SF1: variants seen among roughly 807,000 people sequenced by gnomAD.
The protein encoded by SF1 is splicing factor 1.
Under a neutral mutation model 62.5 loss-of-function variants are expected in SF1, and 7 were observed. That is an observed-to-expected ratio of 0.11 (90% CI 0.06 to 0.21). The LOEUF is 0.21. Among genes scored for constraint, SF1 ranks in the 10% least tolerant of loss-of-function variants. SF1 has a pLI of 1.00. For synonymous variants in SF1, 394 were observed against 323.6 expected (o/e 1.22, Z -2.33); for missense variants, 578 against 884.0 (o/e 0.65, Z 4.39).
rs1592434980 is a variant in SF1 at position 64,765,598 on chromosome 11, G to A, written c.*220C>T. On this transcript the variant is annotated 3_prime_UTR_variant, in exon 13 of 13. Coordinates refer to ENST00000377390, the MANE Select transcript of SF1 (RefSeq NM_004630.4). Reference sequence around the variant, plus strand: ...ACAAAGAAGACACTCGATGCTACGGGGCGCCAGGAGAGCCCAAGCTGGCGC... The same window carrying A: ...ACAAAGAAGACACTCGATGCTACGGAGCGCCAGGAGAGCCCAAGCTGGCGC... 1 of 1,511,164 alleles carries A rather than the reference G, an allele frequency of 6.6e-7. No homozygotes were observed. The highest frequency in any genetic ancestry group is 2.3e-5 in the East Asian group (1 of 42,852). The allele number at this position is 1,511,164 out of a possible 1,614,324, so 93.6% of individuals were successfully genotyped here.
chr11:64,768,011 A>G, intron 9 of SF1, 95 bp downstream of exon 9: 2 of 1,474,500 alleles, frequency 1.4e-6, no homozygotes, highest in South Asian at 1.3e-5. Flanking sequence ...ATCCACATCC[A>G]TTGTCTGCTC....
At position 64,770,050 on chromosome 11, in the gene SF1, A is replaced by G. The variant is rs758531425; in HGVS notation, c.393T>C (p.Pro131=). ...CTTTATCACTCACACGTGTTGCTGG[A>G]GGTCTAAGAAAGAAAAGCCTGTGTC... The part of the protein sequence containing the change: ...PDFKPPADYK[P]PATRVSDKVM... Residue 131 remains proline, a synonymous_variant, in exon 5 of 13, where the codon CCT becomes CCC. Coordinates refer to ENST00000377390, the MANE Select transcript of SF1 (RefSeq NM_004630.4). The G allele has an allele frequency of 3.7e-6, 6 of 1,613,110 alleles. No homozygotes were observed. Among genetic ancestry groups the G allele is most frequent in the Non-Finnish European group, 5.1e-6 (6 of 1,179,250 alleles).
chr11:64,767,882 G>GC (rs1937615268), intron 9 of SF1, 38 bp from the exon 10 acceptor site: 15 of 1,597,860 alleles, frequency 9.4e-6, no homozygotes, highest in Non-Finnish European at 1.1e-5. Context: ...CCCTGCCTGC[G>GC]CCTCCTAGTG....
At chr11:64,772,912 G>A in intron 3 of SF1, 1 of 986,936 alleles carries the variant, frequency 1.0e-6, no homozygotes, top group Non-Finnish European at 1.2e-6. Context: ...AAAGTTAACT[G>A]GCAGTGAAAG....
chr11:64,776,297 A>G (rs1939230685), intron 2 of SF1: 1 of 552,320 alleles, frequency 1.8e-6, no homozygotes, highest in Non-Finnish European at 3.3e-6. Context: ...CATGGAGAAC[A>G]CTGCAGTTAC....
At chr11:64,767,443 C>A (rs1232892482) in intron 10 of SF1, 128 bp downstream of exon 10, 2 of 1,131,970 alleles carry the variant, frequency 1.8e-6, no homozygotes, top group African/African-American at 1.5e-5. Flanking sequence ...AGAGCCACAA[C>A]CCTGGCAAGC....
At chr11:64,773,379 T>C (rs749589656) in intron 3 of SF1, 51 bp downstream of exon 3, 1 of 1,599,654 alleles carries the variant, frequency 6.3e-7, no homozygotes. Context: ...TAAAACGTAT[T>C]GAGAAAAAGG....
intron 12 of SF1, chr11:64,766,486 G>A: frequency 2.1e-6 from 1 of 466,108 alleles, no homozygotes; most frequent in Non-Finnish European, 3.8e-6. Flanking sequence ...CAACCTCAAG[G>A]CCACAGCTGC....
chr11:64,766,506 A>G (rs2058680845), intron 12 of SF1: 2 of 451,166 alleles, frequency 4.4e-6, no homozygotes, highest in Non-Finnish European at 7.9e-6. Flanking sequence ...CTGTCTCCCC[A>G]CTGCCCAGTC....
rs1019408706 is a variant in SF1 at position 64,776,482 on chromosome 11, C to T, written c.160+16G>A. 1 of 1,566,946 alleles carries T rather than the reference C, an allele frequency of 6.4e-7. No individual in the cohort carries two copies. Among genetic ancestry groups the T allele is most frequent in the Non-Finnish European group, 8.6e-7 (1 of 1,161,646 alleles). On this transcript the variant is annotated intron_variant, in intron 2 of 12. Transcript: ENST00000377390. ...AACAATCTCAAAGTGCATTTGGATG[C>T]AGAACGTATATTTACCTATATAAGC...
chr11:64,768,418 C>A (rs1213231011), intron 8 of SF1, 132 bp from the exon 9 acceptor site: 9 of 800,200 alleles, frequency 1.1e-5, no homozygotes, highest in Admixed American at 5.3e-5. Context: ...TCTTTCTAAC[C>A]CCTTACTGGG....
Position 64,765,567 on chromosome 11 carries a change from A to T in SF1, c.*251T>A. 2 of 1,553,648 alleles carry T rather than the reference A, an allele frequency of 1.3e-6. No individual in the cohort carries two copies. Among genetic ancestry groups the T allele is most frequent in the Non-Finnish European group, 1.7e-6 (2 of 1,153,866 alleles). ...GCAAAGGGAGTTGGGTGAGGAGAGAAAGAAGACAAAGAAGACACTCGATGC... is the reference window on the plus strand; with the variant it reads ...GCAAAGGGAGTTGGGTGAGGAGAGATAGAAGACAAAGAAGACACTCGATGC... On this transcript the variant is annotated 3_prime_UTR_variant, in exon 13 of 13. Transcript: ENST00000377390.
chr11:64,774,378 GA>G (rs1258884074), intron 2 of SF1, among the ~76,000 whole-genome samples: 1 of 152,216 alleles, frequency 6.6e-6, no homozygotes, highest in Non-Finnish European at 1.5e-5. Flanking sequence ...TGACGCCAGG[GA>G]AATGTTACAC....
rs1435998287 is a variant in SF1, at chr11:64,778,294, C to T, written c.31+68G>A. On this transcript the variant is annotated intron_variant, in intron 1 of 12. Transcript: ENST00000377390. ...GCCCCGCCCCAGGCCCGGGTGCAGG[C>T]GGAGGGCCCGGCTCGAAGCCTCCTT... 11 of 1,217,094 alleles carry T rather than the reference C, an allele frequency of 9.0e-6. No homozygotes were observed. The South Asian group carries it at 2.5e-4, about 27-fold the overall frequency. 75.4% of individuals were successfully genotyped at this position (1,217,094 alleles called of 1,614,324 possible). A position where few individuals can be genotyped will look rare whatever the true frequency, so the allele number is the denominator to read the frequency against.
chr11:64,773,103 C>T, intron 3 of SF1: 1 of 1,164,270 alleles, frequency 8.6e-7, no homozygotes, highest in Non-Finnish European at 1.1e-6. Context: ...TTGGCCAAAG[C>T]AGGTACTGAA....
intron 1 of SF1, chr11:64,777,880 G>A (rs1228823758): frequency 1.1e-6 from 1 of 934,210 alleles, no homozygotes; most frequent in East Asian, 1.2e-4. Flanking sequence ...CCCCGTGCGC[G>A]CACGCGCGCC....
intron 5 of SF1, 146 bp from the exon 6 acceptor site, chr11:64,769,755 G>T: frequency 1.2e-6 from 1 of 814,820 alleles, no homozygotes; most frequent in East Asian, 2.5e-5. Flanking sequence ...TCTATATTAT[G>T]GTCAGCCACA....
At chr11:64,776,023 A>T (rs951249848) in intron 2 of SF1, 2 of 58,810 alleles carry the variant, frequency 3.4e-5, no homozygotes, top group African/African-American at 1.3e-4. Context: ...TTTCAGAACC[A>T]CTTTTTGTCA....
rs1050988666 is a variant in SF1 at position 64,764,880 on chromosome 11, G to A, written c.*938C>T. 1.3e-5 allele frequency: 2 copies of A among 152,350 alleles called. No individual in the cohort carries two copies. Among genetic ancestry groups the A allele is most frequent in the African/African-American group, 4.8e-5 (2 of 41,464 alleles). 9.4% of individuals were successfully genotyped at this position (152,350 alleles called of 1,614,324 possible). On this transcript the variant is annotated 3_prime_UTR_variant, in exon 13 of 13. Coordinates refer to ENST00000377390, the MANE Select transcript of SF1 (RefSeq NM_004630.4). ...ATAAAAGGAAGCCTTCCAGGAAGGA[G>A]AGGACCAAATGGAATCTGAGGCAGC...
Sources: gnomAD v4.1 joint callset for allele counts (sites outside exome capture counted in the v4.1 genomes callset) on GRCh38, gnomAD v4.1.1 for gene constraint, MANE v1.5 for transcripts, NCBI Gene and HGNC (gene_info 2026-07-23, HGNC 2026-07-21) for gene names.